DLC1: variants seen among roughly 807,000 people sequenced by gnomAD.
DLC1 encodes the protein rho GTPase-activating protein 7.
In DLC1, 54 loss-of-function variants were observed where a neutral mutation model predicts 140.3. That is an observed-to-expected ratio of 0.38 (90% CI 0.31 to 0.48). The LOEUF (loss-of-function observed/expected upper bound fraction) is 0.48. DLC1 is among the 20% of genes least tolerant of loss of function. DLC1 has a pLI of 0.96. For missense variants in DLC1, 2,536 were observed against 1,907.0 expected, an observed-to-expected ratio of 1.33 and a Z score of -6.14; for synonymous variants, 986 against 728.1, an observed-to-expected ratio of 1.35 and a Z score of -5.70.
At position 13,220,574 on chromosome 8, in the gene DLC1, T is replaced by C. The variant is rs540637926; in HGVS notation, c.1348+84695A>G. Among the ~76,000 whole-genome samples, 52 of 152,320 alleles carry C rather than the reference T, an allele frequency of 3.4e-4. 1 individual carries two copies. The highest frequency in any genetic ancestry group is 1.3e-3 in the African/African-American group (52 of 41,576). On this transcript the variant is annotated intron_variant, in intron 5 of 17. Coordinates refer to ENST00000276297, the MANE Select transcript of DLC1 (RefSeq NM_182643.3). ...TTATATTCTTGATATTATTATTAAATACTATTTTCCTGTGCCTTTAAGAAA... is the reference window on the plus strand; with the variant it reads ...TTATATTCTTGATATTATTATTAAACACTATTTTCCTGTGCCTTTAAGAAA...
chr8:13,548,681 C>T (rs965382359), intron 1 of DLC1, among the ~76,000 whole-genome samples: 1 of 151,896 alleles, frequency 6.6e-6, no homozygotes, highest in Non-Finnish European at 1.5e-5. Context: ...TAATTGACAT[C>T]GTAACTTAAG....
Position 13,176,967 on chromosome 8 carries a change from G to A in DLC1, c.1349-61310C>T, listed in dbSNP as rs546891136. ...GCTTCCAGGAGCTGGGAACAGCAAG[G>A]AGACAGTTCTCTCCTAGAGCCTCCA... On this transcript the variant is annotated intron_variant, in intron 5 of 17. Coordinates refer to ENST00000276297, the MANE Select transcript of DLC1 (RefSeq NM_182643.3). Among the ~76,000 whole-genome samples the A allele has an allele frequency of 3.9e-5, 6 of 152,288 alleles. No homozygotes were observed. In the South Asian group the frequency reaches 1.2e-3, roughly 32 times the overall value.
rs553952790 is a variant in DLC1 at position 13,191,246 on chromosome 8, C to T, written c.1349-75589G>A. 6.6e-5 allele frequency among the ~76,000 whole-genome samples: 10 copies of T among 152,292 alleles called. No individual in the cohort carries two copies. The East Asian group carries it at 1.7e-3, about 27-fold the overall frequency. ...TATTGGCCAGGCACAGTGGCTCATG[C>T]CTGTAATCCCAGCACTTTGGGAGGT... On this transcript the variant is annotated intron_variant, in intron 5 of 17. Transcript: ENST00000276297.
At chr8:13,291,810 A>G (rs1347019609) in intron 5 of DLC1, among the ~76,000 whole-genome samples, 3 of 152,202 alleles carry the variant, frequency 2.0e-5, no homozygotes, top group Non-Finnish European at 4.4e-5. Context: ...ACTAAAGAAA[A>G]CAAAAGCAAG....
At chr8:13,370,012 A>G (rs1835661334) in intron 4 of DLC1, among the ~76,000 whole-genome samples, 1 of 150,892 alleles carries the variant, frequency 6.6e-6, no homozygotes, top group Admixed American at 6.6e-5. Context: ...ACTTGGCCCC[A>G]GAAGAATGAC....
In DLC1 at chr8:13,130,184, C is replaced by T. The variant is rs111857936; in HGVS notation, c.1349-14527G>A. Among the ~76,000 whole-genome samples the T allele has an allele frequency of 5.9e-3, 892 of 152,296 alleles. 7 individuals carry two copies. The highest frequency in any genetic ancestry group is 0.02 in the Admixed American group (304 of 15,296). On this transcript the variant is annotated intron_variant, in intron 5 of 17. Coordinates refer to ENST00000276297, the MANE Select transcript of DLC1 (RefSeq NM_182643.3). ...ACATTGCGTCATGGCTTAAAATCTC[C>T]ATGGGGACACCAAGGGAAACCCAAG...
At chr8:13,368,399 C>G (rs1563289932) in intron 4 of DLC1, among the ~76,000 whole-genome samples, 1 of 152,114 alleles carries the variant, frequency 6.6e-6, no homozygotes, top group Non-Finnish European at 1.5e-5. Flanking sequence ...AAAGCATTGC[C>G]TTGCACCTCA....
At chr8:13,585,539 A>G (rs937919273) in intron 1 of DLC1, among the ~76,000 whole-genome samples, 1 of 152,236 alleles carries the variant, frequency 6.6e-6, no homozygotes, top group Non-Finnish European at 1.5e-5. Context: ...GGCTGCTGTA[A>G]CAAAGTGCCA....
At chr8:13,352,013 C>T (rs749520863) in intron 4 of DLC1, among the ~76,000 whole-genome samples, 1 of 152,232 alleles carries the variant, frequency 6.6e-6, no homozygotes, top group Non-Finnish European at 1.5e-5. Context: ...GGATTACAGG[C>T]ATGAGCCACG....
chr8:13,129,727 G>C (rs7829204), intron 5 of DLC1, among the ~76,000 whole-genome samples: 47,869 of 152,076 alleles, frequency 0.31, 7,928 homozygotes, highest in Admixed American at 0.45. Context: ...GTCTGGATGC[G>C]AGTCACACCA....
intron 1 of DLC1, among the ~76,000 whole-genome samples, chr8:13,576,861 T>G (rs1163300032): frequency 6.6e-6 from 1 of 152,186 alleles, no homozygotes; most frequent in African/African-American, 2.4e-5. Context: ...TAAAGACATA[T>G]TGTGTCCCTT....
At chr8:13,532,889 C>T (rs1398915353) in intron 1 of DLC1, among the ~76,000 whole-genome samples, 1 of 152,046 alleles carries the variant, frequency 6.6e-6, no homozygotes, top group Non-Finnish European at 1.5e-5. Flanking sequence ...ATGTTAACCC[C>T]AAGTATTCCA....
chr8:13,106,397 G>T (rs1819569133), intron 7 of DLC1, among the ~76,000 whole-genome samples: 1 of 152,142 alleles, frequency 6.6e-6, no homozygotes, highest in Admixed American at 6.5e-5. Flanking sequence ...ACTCAGGTTG[G>T]AATGCAATGG....
intron 2 of DLC1, among the ~76,000 whole-genome samples, chr8:13,490,008 C>G (rs1305616154): frequency 6.6e-6 from 1 of 150,584 alleles, no homozygotes; most frequent in Non-Finnish European, 1.5e-5. Context: ...AGACTGTTTT[C>G]TCCATTTTCC....
intron 5 of DLC1, among the ~76,000 whole-genome samples, chr8:13,190,382 A>G (rs1325050895): frequency 6.6e-6 from 1 of 152,094 alleles, no homozygotes; most frequent in Non-Finnish European, 1.5e-5. Context: ...GTCACCACCC[A>G]TGGCTGGTGA....
At chr8:13,087,165 T>C (rs1266419664) in intron 16 of DLC1, among the ~76,000 whole-genome samples, 1 of 151,376 alleles carries the variant, frequency 6.6e-6, no homozygotes. Flanking sequence ...CTTTGGGAGG[T>C]TGAGGTAGGA....
intron 4 of DLC1, among the ~76,000 whole-genome samples, chr8:13,305,647 G>C (rs531221564): frequency 6.6e-6 from 1 of 152,142 alleles, no homozygotes; most frequent in Non-Finnish European, 1.5e-5. Context: ...GACCAGCCAG[G>C]ACAACATGGT....
intron 4 of DLC1, among the ~76,000 whole-genome samples, chr8:13,372,408 C>A (rs747905546): frequency 6.6e-6 from 1 of 152,106 alleles, no homozygotes; most frequent in South Asian, 2.1e-4. Flanking sequence ...AACAGAAGAA[C>A]CGTTTGAGGA....
At chr8:13,561,522 G>T (rs565012448) in intron 1 of DLC1, among the ~76,000 whole-genome samples, 1 of 152,236 alleles carries the variant, frequency 6.6e-6, no homozygotes, top group African/African-American at 2.4e-5. Context: ...ATGCAAAACT[G>T]GGTAAAGTGA....
Sources: allele counts gnomAD v4.1 joint callset (sites outside exome capture counted in the v4.1 genomes callset), GRCh38; gene constraint gnomAD v4.1.1; transcripts MANE v1.5; gene names NCBI Gene and HGNC (gene_info 2026-07-23, HGNC 2026-07-21).